INSL6: variants seen among roughly 807,000 people sequenced by gnomAD.
INSL6 encodes insulin-like peptide INSL6.
Under a neutral mutation model 9.4 loss-of-function variants are expected in INSL6, and 16 were observed. That is an observed-to-expected ratio of 1.70 (90% CI 1.15 to 2.59). The LOEUF is 2.59. Among genes scored for constraint, INSL6 ranks in the 30% most tolerant of loss-of-function variants. The pLI is 0.00. For missense variants in INSL6, 391 were observed against 257.3 expected (o/e 1.52, Z -3.56); for synonymous variants, 154 against 96.9 (o/e 1.59, Z -3.46).
chr9:5,142,930 G>C (rs556081973), intron 2 of INSL6, among the ~76,000 whole-genome samples: 5 of 152,108 alleles, frequency 3.3e-5, no homozygotes, highest in African/African-American at 1.2e-4. Context: ...TTTCTTGAAA[G>C]CCTTTTCTGC....
In INSL6 at chr9:5,163,887, T is replaced by A. The variant is rs563304022; in HGVS notation, c.*26A>T. The A allele has an allele frequency of 2.8e-6, 4 of 1,422,124 alleles. No individual in the cohort carries two copies. The African/African-American group carries it at 5.6e-5, about 20-fold the overall frequency. The allele number at this position is 1,422,124 out of a possible 1,614,324, so 88.1% of individuals were successfully genotyped here. On this transcript the variant is annotated 3_prime_UTR_variant, in exon 2 of 2. Transcript: ENST00000381641. ...GTTAAATAAATGTATTAAGCTTTTA[T>A]TAGGTTAGAAAAAATTCTAAGATGG... is the stretch of plus-strand genomic sequence containing the variant.
At chr9:5,083,512 TTTA>T in the INSL6 span, among the ~76,000 whole-genome samples, 1 of 152,218 alleles carries the variant, frequency 6.6e-6, no homozygotes, top group East Asian at 1.9e-4. Context: ...ACTTATAGCA[TTTA>T]TTGTTTCTTT....
chr9:5,118,380 A>G, the INSL6 span, among the ~76,000 whole-genome samples: 1 of 152,212 alleles, frequency 6.6e-6, no homozygotes, highest in Admixed American at 6.5e-5. Flanking sequence ...TAACCAAGAT[A>G]TGTATATAAG....
At chr9:5,177,892 T>C (rs542783463) in intron 1 of INSL6, among the ~76,000 whole-genome samples, 1 of 152,170 alleles carries the variant, frequency 6.6e-6, no homozygotes, top group East Asian at 1.9e-4. Context: ...TTTTTCTTTT[T>C]TGAGTTGGAG....
chr9:5,035,725 G>A, the INSL6 span, among the ~76,000 whole-genome samples: 3 of 152,092 alleles, frequency 2.0e-5, no homozygotes, highest in African/African-American at 7.2e-5. Context: ...TTGATGGGAC[G>A]TGTCTCAAAA....
At chr9:5,065,069 T>A in the INSL6 span, 36 of 1,432,214 alleles carry the variant, frequency 2.5e-5, no homozygotes, top group Non-Finnish European at 3.2e-5. Flanking sequence ...AAAGTAAATT[T>A]TTAGAAAAGT....
At chr9:5,135,205 AAG>A (rs1391255968) in intron 2 of INSL6, among the ~76,000 whole-genome samples, 2 of 152,154 alleles carry the variant, frequency 1.3e-5, no homozygotes, top group Non-Finnish European at 1.5e-5. Flanking sequence ...GAGACGTACA[AAG>A]AGACTTACAC....
downstream of INSL6, among the ~76,000 whole-genome samples, chr9:5,159,378 A>G (rs1180071059): frequency 6.6e-6 from 1 of 151,588 alleles, no homozygotes; most frequent in Non-Finnish European, 1.5e-5. Flanking sequence ...TTTTAAAAAA[A>G]GGATCGAACA....
chr9:5,098,283 C>T, the INSL6 span: 6 of 152,254 alleles, frequency 3.9e-5, no homozygotes, highest in East Asian at 1.2e-3. Flanking sequence ...AAGATATTAG[C>T]AAATTCATTA....
the INSL6 span, among the ~76,000 whole-genome samples, chr9:5,006,103 A>T: frequency 1.3e-5 from 2 of 152,120 alleles, no homozygotes; most frequent in Non-Finnish European, 2.9e-5. Flanking sequence ...CATTTTCACG[A>T]TATTGATTCT....
At chr9:5,059,696 C>T in the INSL6 span, among the ~76,000 whole-genome samples, 1 of 152,142 alleles carries the variant, frequency 6.6e-6, no homozygotes, top group Non-Finnish European at 1.5e-5. Context: ...TGTCTCATAT[C>T]CCCATCAACT....
downstream of INSL6, among the ~76,000 whole-genome samples, chr9:5,122,578 C>T (rs570495316): frequency 6.6e-6 from 1 of 152,166 alleles, no homozygotes; most frequent in South Asian, 2.1e-4. Flanking sequence ...GTCAGAGATT[C>T]CCAAGACCAT....
the INSL6 span, among the ~76,000 whole-genome samples, chr9:5,011,621 G>A: frequency 6.6e-6 from 1 of 151,934 alleles, no homozygotes; most frequent in Non-Finnish European, 1.5e-5. Flanking sequence ...TAATATTTGG[G>A]TCTGCTTTGG....
chr9:5,163,933 G>C lies in INSL6; in HGVS notation c.622C>G (p.Leu208Val). The change falls in exon 2 of 2, where the codon CTT becomes GTT. Residue 208 changes from leucine (L) to valine (V), a missense_variant. By Grantham distance (32) the Leu-to-Val change is conservative. Coordinates refer to ENST00000381641, the MANE Select transcript of INSL6 (RefSeq NM_007179.3). ...GATGGTTAGTATATCTTAGTTACAA[G>C]TGATGATCTTTTTTCCTTTAGCCTT... ...FKRLKEKRSS[L>V]VTKIY The C allele has an allele frequency of 1.2e-6, 2 of 1,601,168 alleles. No individual in the cohort carries two copies. The highest frequency in any genetic ancestry group is 1.7e-6 in the Non-Finnish European group (2 of 1,174,694).
At chr9:5,003,054 A>T in the INSL6 span, among the ~76,000 whole-genome samples, 4 of 151,954 alleles carry the variant, frequency 2.6e-5, no homozygotes, top group African/African-American at 9.7e-5. Flanking sequence ...GTATGTGAGT[A>T]TGTTTTTTTG....
chr9:5,183,852 G>T (rs1383835947), intron 1 of INSL6, among the ~76,000 whole-genome samples: 2 of 152,136 alleles, frequency 1.3e-5, no homozygotes, highest in Non-Finnish European at 2.9e-5. Flanking sequence ...CAGCACCTGG[G>T]AGCTAGTTAA....
At chr9:5,093,188 G>C in the INSL6 span, among the ~76,000 whole-genome samples, 36,932 of 152,026 alleles carry the variant, frequency 0.24, 4,934 homozygotes, top group South Asian at 0.3. Flanking sequence ...TTTACAATAA[G>C]CATCCTATTA....
At chr9:5,077,414 T>C in the INSL6 span, 2 of 711,090 alleles carry the variant, frequency 2.8e-6, no homozygotes, top group Non-Finnish European at 4.0e-6. Flanking sequence ...ATTATATTTA[T>C]ACTTAAGCCT....
chr9:5,028,406 C>T, the INSL6 span, among the ~76,000 whole-genome samples: 1 of 152,170 alleles, frequency 6.6e-6, no homozygotes, highest in Non-Finnish European at 1.5e-5. Context: ...ATTTATAGAG[C>T]ACAGGCAGGG....
Sources: allele counts gnomAD v4.1 joint callset (sites outside exome capture counted in the v4.1 genomes callset), GRCh38; gene constraint gnomAD v4.1.1; transcripts MANE v1.5; gene names NCBI Gene and HGNC (gene_info 2026-07-23, HGNC 2026-07-21).